GRID2: variants seen among roughly 807,000 people sequenced by gnomAD.
GRID2 encodes glutamate receptor ionotropic, delta-2.
A neutral mutation model predicts 114.8 loss-of-function variants in GRID2; 33 were observed. That is an observed-to-expected ratio of 0.29 (90% CI 0.22 to 0.38). The LOEUF (loss-of-function observed/expected upper bound fraction) is 0.38. GRID2 is among the 10% of genes least tolerant of loss of function. GRID2 has a pLI of 1.00. For missense variants in GRID2, 1,184 were observed against 1,257.7 expected, an observed-to-expected ratio of 0.94 and a Z score of 0.89; for synonymous variants, 505 against 449.9, an observed-to-expected ratio of 1.12 and a Z score of -1.55.
intron 14 of GRID2, among the ~76,000 whole-genome samples, chr4:93,754,360 G>A (rs1732575403): frequency 6.6e-6 from 1 of 152,146 alleles, no homozygotes; most frequent in Non-Finnish European, 1.5e-5. Context: ...ATCTCATAGA[G>A]TGTAGCCTCT....
chr4:92,324,028 G>A (rs954824244), intron 1 of GRID2, among the ~76,000 whole-genome samples: 11 of 151,974 alleles, frequency 7.2e-5, no homozygotes, highest in African/African-American at 2.4e-4. Flanking sequence ...TTCATTACAT[G>A]GGATCCATTT....
intron 7 of GRID2, among the ~76,000 whole-genome samples, 186 bp from the exon 8 acceptor site, chr4:93,238,185 C>T (rs936843866): frequency 6.6e-6 from 1 of 151,740 alleles, no homozygotes; most frequent in Admixed American, 6.6e-5. Flanking sequence ...AAGGAATTTC[C>T]AAAGTTAGGT....
chr4:92,444,624 A>G (rs1233839601), intron 1 of GRID2, among the ~76,000 whole-genome samples: 1 of 152,160 alleles, frequency 6.6e-6, no homozygotes, highest in Non-Finnish European at 1.5e-5. Context: ...CAGGGGTTGC[A>G]ATGGCTTGGC....
chr4:92,966,895 T>C (rs935756817), intron 2 of GRID2, among the ~76,000 whole-genome samples: 31 of 152,070 alleles, frequency 2.0e-4, no homozygotes, highest in African/African-American at 5.5e-4. Flanking sequence ...CTTACTATAT[T>C]AGGTATTATC....
In GRID2 at chr4:93,334,927, G is replaced by A. The variant is rs575931656; in HGVS notation, c.1246-60680G>A. ...GCCTGGGCAACAAGAGCAAAACTCC[G>A]TCTCAAAAAGAAAAAAAAAAAGAAT... On this transcript the variant is annotated intron_variant, in intron 8 of 15. Coordinates refer to ENST00000282020, the MANE Select transcript of GRID2 (RefSeq NM_001510.4). 2.4e-4 allele frequency among the ~76,000 whole-genome samples: 36 copies of A among 151,160 alleles called. No individual in the cohort carries two copies. The East Asian group carries it at 4.9e-3, about 20-fold the overall frequency.
At chr4:93,542,586 A>C (rs1450546088) in intron 13 of GRID2, among the ~76,000 whole-genome samples, 1 of 152,170 alleles carries the variant, frequency 6.6e-6, no homozygotes, top group Non-Finnish European at 1.5e-5. Context: ...TCATAAAGTC[A>C]ATAAGATACG....
intron 14 of GRID2, among the ~76,000 whole-genome samples, chr4:93,633,513 A>G (rs1441227320): frequency 6.6e-6 from 1 of 152,120 alleles, no homozygotes; most frequent in Non-Finnish European, 1.5e-5. Flanking sequence ...AGCATTCAAT[A>G]ATTATTTCAT....
intron 14 of GRID2, among the ~76,000 whole-genome samples, chr4:93,741,292 T>A (rs1731399316): frequency 6.7e-6 from 1 of 150,210 alleles, no homozygotes; most frequent in African/African-American, 2.5e-5. Context: ...TTTTAAATGC[T>A]CCTCATGTAA....
chr4:93,016,062 A>AGT (rs34148364), intron 2 of GRID2, among the ~76,000 whole-genome samples: 65,995 of 148,188 alleles, frequency 0.45, 14,704 homozygotes, highest in Middle Eastern at 0.56. Flanking sequence ...TGTGTGTGTG[A>AGT]GTGTGTGTGT....
chr4:93,128,027 CAAAAAAAA>C (rs1008311457), intron 4 of GRID2, among the ~76,000 whole-genome samples: 10 of 20,344 alleles, frequency 4.9e-4, no homozygotes, highest in African/African-American at 3.4e-4. Context: ...TCCCCCGCAA[CAAAAAAAA>C]AAAAAAAAAA....
chr4:93,369,155 G>A (rs1475500072), intron 8 of GRID2, among the ~76,000 whole-genome samples: 1 of 152,108 alleles, frequency 6.6e-6, no homozygotes, highest in Non-Finnish European at 1.5e-5. Context: ...GGCTTTGGGG[G>A]AGAATGATTT....
chr4:92,517,875 G>T (rs1269869824), intron 1 of GRID2, among the ~76,000 whole-genome samples: 1 of 151,626 alleles, frequency 6.6e-6, no homozygotes, highest in Non-Finnish European at 1.5e-5. Context: ...GTCTATCAAA[G>T]ATGAACAATA....
At chr4:93,413,766 T>C (rs1489858280) in intron 9 of GRID2, among the ~76,000 whole-genome samples, 1 of 152,168 alleles carries the variant, frequency 6.6e-6, no homozygotes, top group African/African-American at 2.4e-5. Flanking sequence ...AATATTTCTC[T>C]TCTAAATAAT....
At chr4:93,130,280 A>C (rs1734679406) in intron 4 of GRID2, among the ~76,000 whole-genome samples, 1 of 152,050 alleles carries the variant, frequency 6.6e-6, no homozygotes, top group Non-Finnish European at 1.5e-5. Context: ...TCTCCAAAAA[A>C]AGTTTTAAAA....
At chr4:93,498,919 T>C (rs1727830597) in intron 12 of GRID2, among the ~76,000 whole-genome samples, 1 of 151,948 alleles carries the variant, frequency 6.6e-6, no homozygotes, top group Non-Finnish European at 1.5e-5. Context: ...TTTTTTATTG[T>C]AGATATTATT....
intron 11 of GRID2, among the ~76,000 whole-genome samples, chr4:93,463,269 TACTAGA>T (rs1276636163): frequency 2.0e-5 from 3 of 152,164 alleles, no homozygotes; most frequent in Non-Finnish European, 4.4e-5. Context: ...GTAATTTGTG[TACTAGA>T]AAACAGTGCC....
intron 2 of GRID2, among the ~76,000 whole-genome samples, chr4:92,592,504 A>C (rs2149212752): frequency 6.6e-6 from 1 of 152,158 alleles, no homozygotes; most frequent in East Asian, 1.9e-4. Flanking sequence ...GCTCTCTTTA[A>C]TTATTCTGCT....
intron 9 of GRID2, among the ~76,000 whole-genome samples, chr4:93,416,653 A>G (rs981793724): frequency 6.6e-6 from 1 of 152,094 alleles, no homozygotes; most frequent in East Asian, 1.9e-4. Flanking sequence ...CTAGCAAACA[A>G]TATTACTTAG....
chr4:92,355,938 G>A (rs953917302), intron 1 of GRID2, among the ~76,000 whole-genome samples: 3 of 151,438 alleles, frequency 2.0e-5, no homozygotes, highest in Non-Finnish European at 3.0e-5. Context: ...TGATCTCCAT[G>A]TGCAGATTGT....
Sources: allele counts gnomAD v4.1 joint callset (sites outside exome capture counted in the v4.1 genomes callset), GRCh38; gene constraint gnomAD v4.1.1; transcripts MANE v1.5; gene names NCBI Gene and HGNC (gene_info 2026-07-23, HGNC 2026-07-21).